Variants in GLIS3 observed in about 807,000 individuals in gnomAD.
The protein encoded by GLIS3 is zinc finger protein GLIS3.
Under a neutral mutation model 78.6 loss-of-function variants are expected in GLIS3, and 53 were observed. The observed-to-expected ratio is 0.67, with a 90% CI of 0.54 to 0.85. The LOEUF (loss-of-function observed/expected upper bound fraction) is 0.85. Ranked by LOEUF, GLIS3 falls within the 40% of genes least tolerant of loss-of-function variation. GLIS3 has a pLI of 0.00. For missense variants in GLIS3, 1,703 were observed against 1,231.1 expected, an observed-to-expected ratio of 1.38 and a Z score of -5.74; for synonymous variants, 684 against 509.9, an observed-to-expected ratio of 1.34 and a Z score of -4.60.
the GLIS3 span, among the ~76,000 whole-genome samples, chr9:4,406,130 A>G: frequency 6.6e-6 from 1 of 152,352 alleles, no homozygotes; most frequent in African/African-American, 2.4e-5. Context: ...CCAAATGGGG[A>G]AAAACTGAAA....
chr9:3,968,374 A>G (rs1563902890), intron 4 of GLIS3, among the ~76,000 whole-genome samples: 1 of 152,230 alleles, frequency 6.6e-6, no homozygotes, highest in East Asian at 1.9e-4. Context: ...TAAATAATAC[A>G]GAAAGCATAT....
intron 2 of GLIS3, among the ~76,000 whole-genome samples, chr9:4,149,597 G>GACCTACA (rs1834510689): frequency 6.6e-6 from 1 of 152,332 alleles, no homozygotes; most frequent in South Asian, 2.1e-4. Context: ...ACCATAAATG[G>GACCTACA]TGTCAGGCAT....
the GLIS3 span, among the ~76,000 whole-genome samples, chr9:4,409,966 G>C: frequency 6.6e-6 from 1 of 152,008 alleles, no homozygotes; most frequent in African/African-American, 2.4e-5. Flanking sequence ...ACTAGGTTTT[G>C]GGAGGTCTGT....
At chr9:4,228,981 G>A (rs1822019640) in intron 2 of GLIS3, among the ~76,000 whole-genome samples, 1 of 151,046 alleles carries the variant, frequency 6.6e-6, no homozygotes, top group Non-Finnish European at 1.5e-5. Flanking sequence ...AGTACAGCAA[G>A]ATTCTAGCAA....
At chr9:4,055,894 G>A (rs1826116586) in intron 4 of GLIS3, among the ~76,000 whole-genome samples, 2 of 152,186 alleles carry the variant, frequency 1.3e-5, no homozygotes, top group Admixed American at 6.5e-5. Flanking sequence ...TGGGTTGAAT[G>A]AACATCGATG....
the GLIS3 span, among the ~76,000 whole-genome samples, chr9:4,379,967 C>A: frequency 5.3e-5 from 1 of 18,982 alleles, no homozygotes; most frequent in Non-Finnish European, 1.6e-4. Context: ...GAGTGAAAGA[C>A]CCCCAGGAGG....
intron 3 of GLIS3, among the ~76,000 whole-genome samples, chr9:4,120,107 A>G (rs1832063465): frequency 6.6e-6 from 1 of 152,246 alleles, no homozygotes; most frequent in Non-Finnish European, 1.5e-5. Flanking sequence ...GTGTCTTCTC[A>G]AAATGAACAC....
At chr9:4,234,826 T>C (rs577295980) in intron 2 of GLIS3, among the ~76,000 whole-genome samples, 1 of 152,276 alleles carries the variant, frequency 6.6e-6, no homozygotes, top group Admixed American at 6.5e-5. Flanking sequence ...CTGCTCAAGG[T>C]CATGCAACTA....
At chr9:4,245,472 G>A (rs1823722953) in intron 2 of GLIS3, among the ~76,000 whole-genome samples, 1 of 152,150 alleles carries the variant, frequency 6.6e-6, no homozygotes, top group Admixed American at 6.5e-5. Context: ...TTACTTCATG[G>A]TGTATGTACA....
At chr9:4,424,929 G>A in the GLIS3 span, among the ~76,000 whole-genome samples, 1 of 151,762 alleles carries the variant, frequency 6.6e-6, no homozygotes, top group Non-Finnish European at 1.5e-5. Context: ...TGTGGCCAAC[G>A]TGTTCTGGAC....
rs546102119 is a variant in GLIS3, at chr9:3,929,667, C to G, written c.1983+2693G>C. Among the ~76,000 whole-genome samples the G allele has an allele frequency of 3.9e-5, 6 of 152,264 alleles. No homozygotes were observed. The South Asian group carries it at 1.2e-3, about 32-fold the overall frequency. On this transcript the variant is annotated intron_variant, in intron 6 of 10. Transcript: ENST00000381971. ...GTATATTAAATAAGCCCATGACTAA[C>G]AGGGTGTGACAGAAAAGGGTTTTAT...
chr9:4,246,323 C>A (rs1197492720), intron 2 of GLIS3, among the ~76,000 whole-genome samples: 1 of 152,186 alleles, frequency 6.6e-6, no homozygotes, highest in Non-Finnish European at 1.5e-5. Context: ...AGAGCCTTTG[C>A]ATACACAAAT....
upstream of GLIS3, among the ~76,000 whole-genome samples, chr9:4,353,158 G>A (rs910206563): frequency 1.1e-4 from 16 of 152,150 alleles, no homozygotes; most frequent in African/African-American, 3.6e-4. Flanking sequence ...ACTCTGAGAA[G>A]TTCCCTCTCT....
At chr9:4,126,050 A>C in intron 2 of GLIS3, 109 bp from the exon 3 acceptor site, 1 of 850,074 alleles carries the variant, frequency 1.2e-6, no homozygotes, top group Non-Finnish European at 1.9e-6. Flanking sequence ...CAGTCCTCAG[A>C]TCATTTTTTT....
the GLIS3 span, among the ~76,000 whole-genome samples, chr9:4,370,315 C>T: frequency 6.6e-6 from 1 of 152,124 alleles, no homozygotes. Context: ...AGCAGCATCA[C>T]TTCCTCAGAC....
intron 2 of GLIS3, among the ~76,000 whole-genome samples, chr9:4,242,952 T>G (rs559975919): frequency 6.6e-6 from 1 of 152,204 alleles, no homozygotes; most frequent in Non-Finnish European, 1.5e-5. Context: ...TTCTATTAGA[T>G]AGTACTACTC....
In GLIS3 at chr9:4,186,352, T is replaced by C. The variant is rs528947256; in HGVS notation, c.389-60411A>G. Among the ~76,000 whole-genome samples, 510 of 152,196 alleles carry C rather than the reference T, an allele frequency of 3.4e-3. 2 individuals carry two copies. Among genetic ancestry groups the C allele is most frequent in the African/African-American group, 0.011 (466 of 41,514 alleles). On this transcript the variant is annotated intron_variant, in intron 2 of 10. Coordinates refer to ENST00000381971, the MANE Select transcript of GLIS3 (RefSeq NM_001042413.2). ...CTCATCCTTTTTTATGGCTGCATAG[T>C]ATTCCATGGTGTATATGTGCCACAT...
rs550153806 is a variant in GLIS3, at chr9:4,029,324, G to C, written c.1710+88444C>G. 4.6e-5 allele frequency among the ~76,000 whole-genome samples: 7 copies of C among 151,486 alleles called. No individual in the cohort carries two copies. The South Asian group carries it at 6.3e-4, about 14-fold the overall frequency. ...GTGCTCCCCATCATTTTTAAAAAATGTTTGTGGGTTCATAGTAGGTGTATA... is the reference window on the plus strand; with the variant it reads ...GTGCTCCCCATCATTTTTAAAAAATCTTTGTGGGTTCATAGTAGGTGTATA... On this transcript the variant is annotated intron_variant, in intron 4 of 10. Transcript: ENST00000381971.
chr9:4,044,177 G>C (rs190973389), intron 4 of GLIS3, among the ~76,000 whole-genome samples: 2 of 152,292 alleles, frequency 1.3e-5, no homozygotes, highest in East Asian at 3.9e-4. Context: ...GGAGAATGAA[G>C]TTCTTACAAC....
Sources: gnomAD v4.1 joint callset for allele counts (sites outside exome capture counted in the v4.1 genomes callset) on GRCh38, gnomAD v4.1.1 for gene constraint, MANE v1.5 for transcripts, NCBI Gene and HGNC (gene_info 2026-07-23, HGNC 2026-07-21) for gene names.